Variants in CST3 observed in about 807,000 individuals in gnomAD.
CST3 encodes the protein cystatin-C.
Under a neutral mutation model 9.0 loss-of-function variants are expected in CST3, and 14 were observed. The observed-to-expected ratio is 1.56, with a 90% CI of 1.03 to 2.44. The LOEUF (loss-of-function observed/expected upper bound fraction) is 2.44, where lower values mean the gene tolerates loss of function less well. Among genes scored for constraint, CST3 ranks in the 30% most tolerant of loss-of-function variants. CST3 has a pLI of 0.00. For missense variants in CST3, 237 were observed against 204.3 expected, an observed-to-expected ratio of 1.16 and a Z score of -0.98; for synonymous variants, 96 against 90.2, an observed-to-expected ratio of 1.06 and a Z score of -0.37.
chr20:23,628,046 T>A lies in CST3; in HGVS notation c.*1422A>T, dbSNP rs545639442. 22 of 152,256 alleles carry A rather than the reference T, an allele frequency of 1.4e-4. No individual in the cohort carries two copies. The East Asian group carries it at 4.0e-3, about 28-fold the overall frequency. 9.4% of individuals were successfully genotyped at this position (152,256 alleles called of 1,614,324 possible). On this transcript the variant is annotated 3_prime_UTR_variant, in exon 4 of 4. Transcript: ENST00000398411. Reference sequence around the variant, plus strand: ...AATTTGCAAAATTTTTTTCCTATCATGTGTGTTGTTTTTTTTTGTTTTTGT... The same window carrying A: ...AATTTGCAAAATTTTTTTCCTATCAAGTGTGTTGTTTTTTTTTGTTTTTGT...
chr20:23,631,618 G>T (rs967761745), downstream of CST3, among the ~76,000 whole-genome samples: 2 of 152,164 alleles, frequency 1.3e-5, no homozygotes, highest in African/African-American at 4.8e-5. Context: ...GCTTGCCATC[G>T]AGGAACACCC....
At chr20:23,637,179 A>G (rs1399021677) in intron 1 of CST3, among the ~76,000 whole-genome samples, 2 of 152,230 alleles carry the variant, frequency 1.3e-5, no homozygotes, top group Non-Finnish European at 2.9e-5. Flanking sequence ...ACGGGAGAAT[A>G]AAAAGTTAAA....
chr20:23,634,705 G>A (rs901560880), intron 2 of CST3, among the ~76,000 whole-genome samples: 30 of 152,016 alleles, frequency 2.0e-4, no homozygotes, highest in Non-Finnish European at 2.8e-4. Flanking sequence ...CACATAGGGT[G>A]GAGCTCCCAG....
In CST3 at chr20:23,633,888, T is replaced by C. The variant is rs764714963; in HGVS notation, c.*28A>G. On this transcript the variant is annotated 3_prime_UTR_variant, in exon 3 of 3. Transcript: ENST00000376925. ...GGTGGGAGGTGTGCATAAGAGGTGA[T>C]AGGCACAGGCCAGCCCGGTACAGAC... 6 of 1,595,508 alleles carry C rather than the reference T, an allele frequency of 3.8e-6. No individual in the cohort carries two copies. Among genetic ancestry groups the C allele is most frequent in the Non-Finnish European group, 5.2e-6 (6 of 1,163,338 alleles).
At chr20:23,633,181 G>A (rs1471883008), downstream of CST3, among the ~76,000 whole-genome samples, 1 of 152,134 alleles carries the variant, frequency 6.6e-6, no homozygotes, top group Non-Finnish European at 1.5e-5. Context: ...TAAGTCTCTT[G>A]GAAAGAAGCA....
chr20:23,637,719 A>AC lies in CST3; in HGVS notation c.143dup (p.Val49CysfsTer65). 1 of 1,543,624 alleles carries AC rather than the reference A, an allele frequency of 6.5e-7. No homozygotes were observed. Among genetic ancestry groups the AC allele is most frequent in the Non-Finnish European group, 8.7e-7 (1 of 1,145,754 alleles). On this transcript the variant is annotated frameshift_variant, in exon 1 of 3. Coordinates refer to ENST00000376925, the MANE Select transcript of CST3 (RefSeq NM_000099.4). LOFTEE classifies it high-confidence loss of function. Reference sequence around the variant, plus strand: ...CGGCAAAGTCCAGTGCACGCCGCACACCCTCCTCCTCCACGCTGGCGTCCA... The same window carrying AC: ...CGGCAAAGTCCAGTGCACGCCGCACACCCCTCCTCCTCCACGCTGGCGTCCA...
At chr20:23,637,541 C>G (rs1979728582) in intron 1 of CST3, 79 bp downstream of exon 1, 6 of 1,331,406 alleles carry the variant, frequency 4.5e-6, no homozygotes, top group Non-Finnish European at 5.9e-6. Flanking sequence ...AGAGGAGCAG[C>G]ACGGGGTCCG....
chr20:23,636,134 T>A (rs1345287706), intron 1 of CST3, among the ~76,000 whole-genome samples: 1 of 152,162 alleles, frequency 6.6e-6, no homozygotes, highest in Non-Finnish European at 1.5e-5. Flanking sequence ...CAATGCCCCA[T>A]GCTTCACTCC....
chr20:23,635,339 TC>T lies in CST3; in HGVS notation c.271del (p.Asp91ThrfsTer27). Reference protein sequence around the residue: ...QIVAGVNYFLDVELGRTTCTK... With the variant: ...QIVAGVNYFLXVELGRTTCTK... ...ACACGTGGTTCGGCCCAGCTCCACGTCCAAGAAGTAGTTCACCCCAGCTACG... is the reference window on the plus strand; with the variant it reads ...ACACGTGGTTCGGCCCAGCTCCACGTCAAGAAGTAGTTCACCCCAGCTACG... On this transcript the variant is annotated frameshift_variant, in exon 2 of 3. Coordinates refer to ENST00000376925, the MANE Select transcript of CST3 (RefSeq NM_000099.4). LOFTEE classifies it high-confidence loss of function. 2 of 1,610,162 alleles carry T rather than the reference TC, an allele frequency of 1.2e-6. No individual in the cohort carries two copies. The highest frequency in any genetic ancestry group is 8.5e-7 in the Non-Finnish European group (1 of 1,178,128).
At chr20:23,631,630 G>A (rs779869023), downstream of CST3, among the ~76,000 whole-genome samples, 2 of 152,156 alleles carry the variant, frequency 1.3e-5, no homozygotes, top group Admixed American at 1.3e-4. Flanking sequence ...GGAACACCCC[G>A]CCAGCCTGAC....
At chr20:23,632,408 A>AG (rs1979482379), downstream of CST3, 1 of 152,320 alleles carries the variant, frequency 6.6e-6, no homozygotes, top group South Asian at 2.1e-4. Flanking sequence ...CAGAAAACTG[A>AG]GTGACTAAGA....
exon 4 of CST3, chr20:23,627,117 T>TATA (rs1280692425): frequency 1.3e-5 from 2 of 152,238 alleles, no homozygotes; most frequent in Admixed American, 6.5e-5. Flanking sequence ...CAAATGGACG[T>TATA]ATAATCTGAT....
chr20:23,637,744 A>G lies in CST3; in HGVS notation c.119T>C (p.Met40Thr), dbSNP rs1039921863. 18 of 1,538,924 alleles carry G rather than the reference A, an allele frequency of 1.2e-5. No individual in the cohort carries two copies. The highest frequency in any genetic ancestry group is 1.4e-5 in the Non-Finnish European group (16 of 1,143,788). Residue 40 changes from methionine to threonine, a missense_variant, in exon 1 of 3, where the codon ATG becomes ACG. Transcript: ENST00000376925. ...GKPPRLVGGPMDASVEEEGVR... is the reference protein window; with the variant it reads ...GKPPRLVGGPTDASVEEEGVR... ...ACCCTCCTCCTCCACGCTGGCGTCC[A>G]TGGGGCCTCCCACTAGGCGCGGCGG... is the stretch of plus-strand genomic sequence containing the variant.
At chr20:23,634,550 C>T (rs1210478447) in intron 2 of CST3, among the ~76,000 whole-genome samples, 1 of 152,074 alleles carries the variant, frequency 6.6e-6, no homozygotes, top group South Asian at 2.1e-4. Context: ...TGGCTGCTAA[C>T]AGGCCTCTAC....
downstream of CST3, among the ~76,000 whole-genome samples, chr20:23,631,670 G>A (rs1979456647): frequency 6.6e-6 from 1 of 152,154 alleles, no homozygotes; most frequent in African/African-American, 2.4e-5. Flanking sequence ...CTTCTGCAAA[G>A]GCTGGCTTCC....
In CST3 at chr20:23,633,709, G is replaced by A. The variant is rs748036591; in HGVS notation, c.*207C>T. The stretch of plus-strand genomic sequence containing the variant: ...GTGGGGGTGTATGCACCGCACACCG[G>A]GGCTATGAGAAGCAAGAAGGAAGGA... On this transcript the variant is annotated 3_prime_UTR_variant, in exon 3 of 3. Coordinates refer to ENST00000376925, the MANE Select transcript of CST3 (RefSeq NM_000099.4). 3.2e-5 allele frequency: 21 copies of A among 660,090 alleles called. No homozygotes were observed. Among genetic ancestry groups the A allele is most frequent in the Non-Finnish European group, 5.2e-5 (19 of 363,174 alleles). 40.9% of individuals were successfully genotyped at this position (660,090 alleles called of 1,614,324 possible).
chr20:23,634,204 TACCTGGTGGCACTGGGCC>T (rs1979567490), intron 2 of CST3, among the ~76,000 whole-genome samples: 1 of 151,892 alleles, frequency 6.6e-6, no homozygotes, highest in South Asian at 2.1e-4. Context: ...GCTCCAACTC[TACCTGGTGGCACTGGGCC>T]CCCACCCCAG....
At chr20:23,630,194 T>C (rs528319476), downstream of CST3, among the ~76,000 whole-genome samples, 2 of 152,274 alleles carry the variant, frequency 1.3e-5, 1 homozygote, top group South Asian at 4.2e-4. Flanking sequence ...ACGATCAACT[T>C]TTCCGACTGG....
In CST3 at chr20:23,633,707, C is replaced by T. The variant is rs957197300; in HGVS notation, c.*209G>A. The T allele has an allele frequency of 3.0e-5, 20 of 656,904 alleles. No individual in the cohort carries two copies. The highest frequency in any genetic ancestry group is 4.1e-5 in the Non-Finnish European group (15 of 361,718). 40.7% of individuals were successfully genotyped at this position (656,904 alleles called of 1,614,324 possible). On this transcript the variant is annotated 3_prime_UTR_variant, in exon 3 of 3. Coordinates refer to ENST00000376925, the MANE Select transcript of CST3 (RefSeq NM_000099.4). ...AGGTGGGGGTGTATGCACCGCACAC[C>T]GGGGCTATGAGAAGCAAGAAGGAAG...
Sources: gnomAD v4.1 joint callset for allele counts (sites outside exome capture counted in the v4.1 genomes callset) on GRCh38, gnomAD v4.1.1 for gene constraint, MANE v1.5 for transcripts, NCBI Gene and HGNC (gene_info 2026-07-23, HGNC 2026-07-21) for gene names.